The following ANKS1B variants were observed in gnomAD, a reference collection of about 807,000 sequenced individuals.
ANKS1B encodes the protein ankyrin repeat and sterile alpha motif domain containing 1B, also known as ankyrin repeat and sterile alpha motif domain-containing protein 1B.
A neutral mutation model predicts 148.3 loss-of-function variants in ANKS1B; 36 were observed. The ratio of observed to expected loss-of-function variants is 0.24; its 90% CI spans 0.19 to 0.32. ANKS1B has a LOEUF of 0.32. ANKS1B is among the 10% of genes least tolerant of loss of function. The probability of loss-of-function intolerance (pLI) is 1.00; values close to 1 mark genes in which losing one functional copy is unlikely to be tolerated. For synonymous variants in ANKS1B, 542 were observed against 560.8 expected, an observed-to-expected ratio of 0.97 and a Z score of 0.47; for missense variants, 1,157 against 1,542.6, an observed-to-expected ratio of 0.75 and a Z score of 4.19.
intron 15 of ANKS1B, among the ~76,000 whole-genome samples, chr12:99,150,563 G>A (rs1277962924): frequency 6.6e-6 from 1 of 152,016 alleles, no homozygotes; most frequent in Non-Finnish European, 1.5e-5. Context: ...GAATACAGAT[G>A]AGCAAAGTTA....
rs192959781 is a variant in ANKS1B, at chr12:99,689,219, C to T, written c.1129-34009G>A. 5.6e-4 allele frequency among the ~76,000 whole-genome samples: 86 copies of T among 152,328 alleles called. No individual in the cohort carries two copies. In the East Asian group the frequency reaches 0.015, roughly 27 times the overall value. On this transcript the variant is annotated intron_variant, in intron 8 of 26. Transcript: ENST00000683438. ...ATTCTATTTAAAACACAAAACATGT[C>T]TTATTCATGTTTGAATTCCTAATAA...
chr12:99,889,850 A>G (rs1603440085), intron 1 of ANKS1B, among the ~76,000 whole-genome samples: 1 of 152,348 alleles, frequency 6.6e-6, no homozygotes, highest in South Asian at 2.1e-4. Flanking sequence ...GAATCGTGGT[A>G]CATCTTTAGC....
In ANKS1B at chr12:99,773,019, G is replaced by T. The variant is rs374815422; in HGVS notation, c.1031C>A (p.Ser344Ter). Reference sequence around the variant, plus strand: ...TATTGTGTGGCACAAGTCTTCAAACGAATAATCCTTTTCTTGACAGAGTTT... The same window carrying T: ...TATTGTGTGGCACAAGTCTTCAAACTAATAATCCTTTTCTTGACAGAGTTT... ...EIKLCQEKDYSFEDLCHTISD... is the reference protein window; with the variant it reads ...EIKLCQEKDY Residue 344 changes from serine (S) to a stop codon, truncating the protein, a stop_gained, in exon 8 of 27, where the codon TCG becomes TAG. Transcript: ENST00000683438. LOFTEE classifies it high-confidence loss of function. 1 of 1,610,168 alleles carries T rather than the reference G, an allele frequency of 6.2e-7. No homozygotes were observed. Among genetic ancestry groups the T allele is most frequent in the Non-Finnish European group, 8.5e-7 (1 of 1,177,652 alleles).
intron 14 of ANKS1B, among the ~76,000 whole-genome samples, chr12:99,215,055 C>T (rs1039899325): frequency 6.6e-6 from 1 of 152,170 alleles, no homozygotes; most frequent in Non-Finnish European, 1.5e-5. Flanking sequence ...GACTTTGGAG[C>T]TCTTAAAAGC....
At chr12:98,746,106 C>T (rs535387311) in intron 26 of ANKS1B, among the ~76,000 whole-genome samples, 1 of 152,246 alleles carries the variant, frequency 6.6e-6, no homozygotes, top group South Asian at 2.1e-4. Context: ...CAGACAGAGG[C>T]GGATTTCAGT....
At chr12:99,428,152 T>A (rs1229765387) in intron 11 of ANKS1B, among the ~76,000 whole-genome samples, 1 of 152,126 alleles carries the variant, frequency 6.6e-6, no homozygotes, top group Non-Finnish European at 1.5e-5. Context: ...TAGGGTATCC[T>A]TGTAGGGTAT....
chr12:99,527,041 C>A (rs1213215348), intron 9 of ANKS1B, among the ~76,000 whole-genome samples: 3 of 152,142 alleles, frequency 2.0e-5, no homozygotes, highest in African/African-American at 7.2e-5. Flanking sequence ...AGAAAACCAA[C>A]AGGAATGGAA....
chr12:98,750,659 TG>T (rs2098060939), intron 26 of ANKS1B, among the ~76,000 whole-genome samples: 1 of 152,164 alleles, frequency 6.6e-6, no homozygotes, highest in Non-Finnish European at 1.5e-5. Context: ...GGAGGCTGGT[TG>T]GGAATCTTCC....
At chr12:99,183,168 A>G (rs998853329) in intron 14 of ANKS1B, among the ~76,000 whole-genome samples, 3 of 152,192 alleles carry the variant, frequency 2.0e-5, no homozygotes. Flanking sequence ...TATCTGAAAA[A>G]TTTAGAGACA....
chr12:99,492,998 C>T (rs941787534), intron 10 of ANKS1B, among the ~76,000 whole-genome samples: 4 of 152,198 alleles, frequency 2.6e-5, no homozygotes, highest in African/African-American at 7.2e-5. Flanking sequence ...TGCCTTCTCT[C>T]ACCACTCCTA....
chr12:99,788,382 A>C (rs1253017183), intron 4 of ANKS1B, among the ~76,000 whole-genome samples: 1 of 152,144 alleles, frequency 6.6e-6, no homozygotes, highest in African/African-American at 2.4e-5. Context: ...AAGGGAACCC[A>C]CTGCCTTGAA....
At chr12:99,821,709 C>T (rs531842445) in intron 2 of ANKS1B, among the ~76,000 whole-genome samples, 4 of 152,074 alleles carry the variant, frequency 2.6e-5, no homozygotes, top group Non-Finnish European at 5.9e-5. Flanking sequence ...CCCAAGATAT[C>T]CTGCCCATTA....
At position 99,775,647 on chromosome 12, in the gene ANKS1B, C is replaced by T. The variant is rs116525095; in HGVS notation, c.862G>A (p.Val288Met). The change falls in exon 7 of 27, where the codon GTG becomes ATG. Residue 288 changes from valine to methionine, a missense_variant. Val to Met is a conservative substitution (Grantham distance 21, BLOSUM62 1). Transcript: ENST00000683438. ...ATLLQEYLEGVGRSTVLEEPV... is the reference protein window; with the variant it reads ...ATLLQEYLEGMGRSTVLEEPV... ...TCTTCGAGGACTGTAGATCTTCCCACGCCTTCTAAATACTCTGTGTGTATA... is the reference window on the plus strand; with the variant it reads ...TCTTCGAGGACTGTAGATCTTCCCATGCCTTCTAAATACTCTGTGTGTATA... The T allele has an allele frequency of 1.8e-3, 2,931 of 1,604,474 alleles. 47 individuals carry two copies. In the African/African-American group the frequency reaches 0.032, roughly 18 times the overall value.
At chr12:98,884,660 G>A (rs978525166) in intron 17 of ANKS1B, among the ~76,000 whole-genome samples, 14 of 151,708 alleles carry the variant, frequency 9.2e-5, no homozygotes, top group South Asian at 2.1e-4. Context: ...TTAGCCGGGC[G>A]CGGTGGCGGG....
intron 8 of ANKS1B, among the ~76,000 whole-genome samples, chr12:99,689,308 C>G (rs1451887589): frequency 1.3e-5 from 2 of 152,138 alleles, no homozygotes; most frequent in Non-Finnish European, 2.9e-5. Context: ...ACCAGGCTAA[C>G]AATTAGAGCC....
intron 15 of ANKS1B, among the ~76,000 whole-genome samples, chr12:99,127,933 T>C (rs1278632670): frequency 6.6e-6 from 1 of 152,216 alleles, no homozygotes; most frequent in East Asian, 1.9e-4. Flanking sequence ...AAATGTATTA[T>C]AAAAGACACA....
intron 11 of ANKS1B, among the ~76,000 whole-genome samples, chr12:99,418,341 A>C (rs988632021): frequency 4.6e-4 from 70 of 152,348 alleles, no homozygotes; most frequent in African/African-American, 1.7e-3. Context: ...TTTGGATAAA[A>C]GTGTTAGATT....
intron 1 of ANKS1B, among the ~76,000 whole-genome samples, chr12:99,833,149 T>A (rs1249087388): frequency 6.6e-6 from 1 of 152,226 alleles, no homozygotes; most frequent in Non-Finnish European, 1.5e-5. Flanking sequence ...TGAATTTCTT[T>A]AAGGAAAAGA....
At chr12:99,229,204 G>A (rs1458472037) in intron 14 of ANKS1B, among the ~76,000 whole-genome samples, 1 of 151,630 alleles carries the variant, frequency 6.6e-6, no homozygotes, top group East Asian at 1.9e-4. Flanking sequence ...ATTATCTGCT[G>A]CTTTCATTTA....
Sources: gnomAD v4.1 joint callset for allele counts (sites outside exome capture counted in the v4.1 genomes callset) on GRCh38, gnomAD v4.1.1 for gene constraint, MANE v1.5 for transcripts, NCBI Gene and HGNC (gene_info 2026-07-23, HGNC 2026-07-21) for gene names.